TBC1D5: variants seen among roughly 807,000 people sequenced by gnomAD.
TBC1D5 encodes the protein TBC1 domain family, member 5.
TBC1D5 carries 75 observed loss-of-function variants against 100.3 expected under a neutral mutation model. The ratio of observed to expected loss-of-function variants is 0.75; its 90% CI spans 0.62 to 0.91. TBC1D5 has a LOEUF of 0.91. Ranked by LOEUF, TBC1D5 falls within the 40% of genes least tolerant of loss-of-function variation. The probability of loss-of-function intolerance (pLI) is 0.00; values close to 1 mark genes in which losing one functional copy is unlikely to be tolerated. For missense variants in TBC1D5, 910 were observed against 942.4 expected (o/e 0.97, Z 0.45); for synonymous variants, 323 against 325.6 (o/e 0.99, Z 0.09).
chr3:17,227,896 C>A (rs2075066002), intron 17 of TBC1D5, among the ~76,000 whole-genome samples: 1 of 149,826 alleles, frequency 6.7e-6, no homozygotes. Context: ...TGCTGGTACC[C>A]TAAACATGAG....
intron 3 of TBC1D5, among the ~76,000 whole-genome samples, chr3:17,428,830 T>C (rs535135023): frequency 6.6e-6 from 1 of 152,068 alleles, no homozygotes; most frequent in African/African-American, 2.4e-5. Context: ...CCAGTGTTTA[T>C]AAAGAAAGGA....
intron 4 of TBC1D5, among the ~76,000 whole-genome samples, chr3:17,414,211 G>C (rs2094007187): frequency 6.6e-6 from 1 of 152,164 alleles, no homozygotes. Context: ...AGTAGGATTA[G>C]ATCAGGGTTA....
chr3:17,632,917 C>A (rs1430446478), intron 1 of TBC1D5, among the ~76,000 whole-genome samples: 1 of 152,114 alleles, frequency 6.6e-6, no homozygotes, highest in East Asian at 1.9e-4. Flanking sequence ...TGGAACTGAA[C>A]CTGCAATCTC....
intron 2 of TBC1D5, among the ~76,000 whole-genome samples, chr3:17,574,730 A>G (rs2096647308): frequency 6.6e-6 from 1 of 152,136 alleles, no homozygotes; most frequent in South Asian, 2.1e-4. Context: ...CCTCAGGCTG[A>G]ATTTAGAAAT....
At chr3:17,561,239 A>G (rs565023762) in intron 2 of TBC1D5, among the ~76,000 whole-genome samples, 2 of 152,326 alleles carry the variant, frequency 1.3e-5, no homozygotes, top group East Asian at 3.9e-4. Flanking sequence ...TATAATGAAA[A>G]GGTTAAAAGC....
chr3:17,194,495 A>T (rs1451668024), intron 18 of TBC1D5, among the ~76,000 whole-genome samples: 1 of 152,174 alleles, frequency 6.6e-6, no homozygotes, highest in Non-Finnish European at 1.5e-5. Context: ...ACATTTATAC[A>T]ATTTCTCATT....
At chr3:17,453,353 A>T (rs1000137792) in intron 3 of TBC1D5, among the ~76,000 whole-genome samples, 2 of 151,208 alleles carry the variant, frequency 1.3e-5, no homozygotes, top group East Asian at 1.9e-4. Context: ...ACAAAACAAT[A>T]AAAAAAAAGA....
intron 2 of TBC1D5, among the ~76,000 whole-genome samples, chr3:17,516,545 T>C (rs2095990728): frequency 6.6e-6 from 1 of 152,192 alleles, no homozygotes; most frequent in East Asian, 1.9e-4. Flanking sequence ...CAATCCTTGA[T>C]ACATCACTTC....
chr3:17,547,903 T>C (rs1469116914), intron 2 of TBC1D5, among the ~76,000 whole-genome samples: 1 of 152,246 alleles, frequency 6.6e-6, no homozygotes, highest in African/African-American at 2.4e-5. Flanking sequence ...TACAATCTTG[T>C]CTGATTTTTC....
At chr3:17,585,998 C>T (rs1411364896) in intron 2 of TBC1D5, among the ~76,000 whole-genome samples, 2 of 151,938 alleles carry the variant, frequency 1.3e-5, no homozygotes, top group Non-Finnish European at 2.9e-5. Flanking sequence ...AAATAAAAGG[C>T]CTATGGATAC....
chr3:17,443,980 T>C (rs1252543101), intron 3 of TBC1D5, among the ~76,000 whole-genome samples: 1 of 148,660 alleles, frequency 6.7e-6, no homozygotes, highest in African/African-American at 2.6e-5. Flanking sequence ...AAAAACATTA[T>C]CAAAATCACA....
At chr3:17,396,218 A>C (rs1056104115) in intron 8 of TBC1D5, among the ~76,000 whole-genome samples, 1 of 152,088 alleles carries the variant, frequency 6.6e-6, no homozygotes, top group Non-Finnish European at 1.5e-5. Flanking sequence ...CACCAAGTAC[A>C]TCCACTCATT....
intron 18 of TBC1D5, among the ~76,000 whole-genome samples, chr3:17,196,352 AGGG>A (rs781387194): frequency 9.9e-5 from 15 of 152,190 alleles, no homozygotes; most frequent in Non-Finnish European, 1.9e-4. Flanking sequence ...TGAGACTGGA[AGGG>A]ACTCTATTTT....
intron 18 of TBC1D5, among the ~76,000 whole-genome samples, chr3:17,207,696 G>A (rs1189320185): frequency 1.3e-5 from 2 of 152,166 alleles, no homozygotes; most frequent in Non-Finnish European, 2.9e-5. Flanking sequence ...GCAATATTAA[G>A]AGAAAACAAG....
Position 17,266,194 on chromosome 3 carries a change from C to T in TBC1D5, c.1246-7603G>A, listed in dbSNP as rs549017146. Among the ~76,000 whole-genome samples the T allele has an allele frequency of 3.4e-3, 519 of 152,268 alleles. 4 individuals carry two copies. Among genetic ancestry groups the T allele is most frequent in the African/African-American group, 0.011 (473 of 41,568 alleles). On this transcript the variant is annotated intron_variant, in intron 15 of 21. Transcript: ENST00000253692. ...ATTGCTAGAGGGTTCACAAAGGTCT[C>T]ACCATTTCTGTCTCTTATTGCCACT... is the stretch of plus-strand genomic sequence containing the variant.
At chr3:17,369,140 A>G (rs958954400) in intron 13 of TBC1D5, among the ~76,000 whole-genome samples, 1 of 152,168 alleles carries the variant, frequency 6.6e-6, no homozygotes, top group Admixed American at 6.5e-5. Flanking sequence ...TTTACTCCCA[A>G]CTTCTATAGC....
chr3:17,696,053 A>G (rs2072012055), intron 1 of TBC1D5, among the ~76,000 whole-genome samples: 1 of 152,250 alleles, frequency 6.6e-6, no homozygotes. Flanking sequence ...GAAACCAATG[A>G]GAACAAAGAC....
chr3:17,667,885 TATGAA>T (rs1315246179), intron 1 of TBC1D5, among the ~76,000 whole-genome samples: 1 of 151,986 alleles, frequency 6.6e-6, no homozygotes, highest in Non-Finnish European at 1.5e-5. Flanking sequence ...TTCAAACACT[TATGAA>T]ATGATACATG....
chr3:17,351,073 C>T (rs1280071187), intron 13 of TBC1D5, among the ~76,000 whole-genome samples: 1 of 152,088 alleles, frequency 6.6e-6, no homozygotes, highest in African/African-American at 2.4e-5. Context: ...TAAAATATCA[C>T]ACTAAGTTTC....
Sources: allele counts gnomAD v4.1 joint callset (sites outside exome capture counted in the v4.1 genomes callset), GRCh38; gene constraint gnomAD v4.1.1; transcripts MANE v1.5; gene names NCBI Gene and HGNC (gene_info 2026-07-23, HGNC 2026-07-21).